Variants in TM9SF1 observed in about 807,000 individuals in gnomAD.
The protein encoded by TM9SF1 is transmembrane 9 superfamily member 1, also known as MP70 protein family member.
In TM9SF1, 25 loss-of-function variants were observed where a neutral mutation model predicts 52.4. The ratio of observed to expected loss-of-function variants is 0.48; its 90% CI spans 0.35 to 0.67. The LOEUF (loss-of-function observed/expected upper bound fraction) is 0.67, where lower values mean the gene tolerates loss of function less well. Ranked by LOEUF, TM9SF1 falls within the 30% of genes least tolerant of loss-of-function variation. TM9SF1 has a pLI of 0.01. For missense variants in TM9SF1, 604 were observed against 780.3 expected (o/e 0.77, Z 2.69); for synonymous variants, 284 against 299.8 (o/e 0.95, Z 0.55).
Position 24,193,845 on chromosome 14 carries a change from G to A in TM9SF1, c.346-576C>T, listed in dbSNP as rs968987007. On this transcript the variant is annotated intron_variant, in intron 2 of 5. Transcript: ENST00000261789. The stretch of plus-strand genomic sequence containing the variant: ...TGAGGCAGGAGAATGGCGTGAACCC[G>A]GGAGGTGGAGCTTGCAGTGAGCCGA... Among the ~76,000 whole-genome samples the A allele has an allele frequency of 2.6e-5, 4 of 151,724 alleles. No homozygotes were observed. In the East Asian group the frequency reaches 7.9e-4, roughly 30 times the overall value.
intron 2 of TM9SF1, among the ~76,000 whole-genome samples, chr14:24,193,481 C>G (rs2039354079): frequency 6.6e-6 from 1 of 151,932 alleles, no homozygotes; most frequent in South Asian, 2.1e-4. Context: ...ATTCTCCTGC[C>G]TCAGCCTCCC....
rs968077836 is a variant in TM9SF1, at chr14:24,192,453, T to C, written c.968-97A>G. On this transcript the variant is annotated intron_variant, in intron 3 of 5. Coordinates refer to ENST00000261789, the MANE Select transcript of TM9SF1 (RefSeq NM_006405.7). The surrounding 1 kb of genome is among the most constrained non-coding windows in gnomAD (Gnocchi z 4.0). ...CCCCCCTTCTCCCAGACCCAGGGCC[T>C]CCAGCAAAACAATCTCCCCCAGTTT... 1.4e-6 allele frequency: 2 copies of C among 1,444,304 alleles called. No individual in the cohort carries two copies. Among genetic ancestry groups the C allele is most frequent in the Non-Finnish European group, 1.9e-6 (2 of 1,066,342 alleles). The allele number at this position is 1,444,304 out of a possible 1,614,324, so 89.5% of individuals were successfully genotyped here.
Position 24,194,747 on chromosome 14 carries a change from A to C in TM9SF1, c.273T>G (p.Ser91=), listed in dbSNP as rs147543870. The change falls in exon 2 of 6, where the codon TCT becomes TCG. Residue 91 remains serine (S), a synonymous_variant. Transcript: ENST00000261789. ...EVLDGDRMAE[S]LYEIRFRENV... is the part of the protein sequence containing the mutation. ...TTTCCCGAAAGCGGATCTCATACAA[A>C]GACTCAGCCATTCGGTCCCCATCCA... 132 of 1,614,254 alleles carry C rather than the reference A, an allele frequency of 8.2e-5. 1 individual carries two copies. The East Asian group carries it at 2.9e-3, about 35-fold the overall frequency.
At chr14:24,190,222 C>G in intron 5 of TM9SF1, 158 bp downstream of exon 5, 1 of 1,471,778 alleles carries the variant, frequency 6.8e-7, no homozygotes, top group Non-Finnish European at 9.0e-7. Context: ...CATTCAAGCT[C>G]AGTCCTGCTT....
At position 24,189,320 on chromosome 14, in the gene TM9SF1, T is replaced by C; in HGVS notation, c.*95A>G. Reference sequence around the variant, plus strand: ...GGCAAAAGGGAAGGCAACAATGCCATCACACAATTCAGTCAATCAGAAGAG... The same window carrying C: ...GGCAAAAGGGAAGGCAACAATGCCACCACACAATTCAGTCAATCAGAAGAG... On this transcript the variant is annotated 3_prime_UTR_variant, in exon 6 of 6. Coordinates refer to ENST00000261789, the MANE Select transcript of TM9SF1 (RefSeq NM_006405.7). 2.2e-6 allele frequency: 3 copies of C among 1,384,454 alleles called. No homozygotes were observed. The highest frequency in any genetic ancestry group is 2.9e-6 in the Non-Finnish European group (3 of 1,023,726). 85.8% of individuals were successfully genotyped at this position (1,384,454 alleles called of 1,614,324 possible). A position where few individuals can be genotyped will look rare whatever the true frequency, so the allele number is the denominator to read the frequency against.
Position 24,194,999 on chromosome 14 carries a change from A to G in TM9SF1, c.21T>C (p.Pro7=). 1.2e-6 allele frequency: 2 copies of G among 1,613,942 alleles called. No individual in the cohort carries two copies. The highest frequency in any genetic ancestry group is 1.7e-6 in the Non-Finnish European group (2 of 1,179,960). The change falls in exon 2 of 6, where the codon CCT becomes CCC. Residue 7 remains proline (P), a synonymous_variant. Coordinates refer to ENST00000261789, the MANE Select transcript of TM9SF1 (RefSeq NM_006405.7). MTVVGN[P]RSWSCQWLPI... ...GCAACCACTGGCAGCTCCAACTTCG[A>G]GGGTTCCCTACGACTGTCATCCTTA...
In TM9SF1 at chr14:24,190,381, T is replaced by C; in HGVS notation, c.1426A>G (p.Ser476Gly). 1 of 1,570,188 alleles carries C rather than the reference T, an allele frequency of 6.4e-7. No individual in the cohort carries two copies. The highest frequency in any genetic ancestry group is 8.6e-7 in the Non-Finnish European group (1 of 1,156,328). The change falls in exon 5 of 6, where the codon AGT (serine) becomes GGT (glycine). Residue 476 changes from serine to glycine, a missense_variant and splice_region_variant. Transcript: ENST00000261789. Reference sequence around the variant, plus strand: ...AGCCATGGAATAAAGGGAGGATACCTGAAAGGCAGGAAGCCTCCAACAGTC... The same window carrying C: ...AGCCATGGAATAAAGGGAGGATACCCGAAAGGCAGGAAGCCTCCAACAGTC... ...HMTVGGFLPF[S>G]AISVELYYIF... is the part of the protein sequence containing the mutation.
rs1415403953 is a variant in TM9SF1, at chr14:24,189,776, G to T, written c.1460C>A (p.Ala487Asp). Reference sequence around the variant, plus strand: ...GTACTGCTCCCGACCCCATACTGTGGCAAAGATGTAGTACAGCTCCACAGA... The same window carrying T: ...GTACTGCTCCCGACCCCATACTGTGTCAAAGATGTAGTACAGCTCCACAGA... ...AISVELYYIF[A>D]TVWGREQYTL... Residue 487 changes from alanine to aspartate, a missense_variant, in exon 6 of 6, where the codon GCC (alanine) becomes GAC (aspartate). By Grantham distance (126) the Ala-to-Asp change is moderately radical. Transcript: ENST00000261789. 6.2e-7 allele frequency: 1 copy of T among 1,613,636 alleles called. No homozygotes were observed. Among genetic ancestry groups the T allele is most frequent in the Non-Finnish European group, 8.5e-7 (1 of 1,179,782 alleles).
rs1392599472 is a variant in TM9SF1, at chr14:24,190,430, C to A, written c.1377G>T (p.Trp459Cys). Residue 459 changes from tryptophan (W) to cysteine (C), a missense_variant, in exon 5 of 6, where the codon TGG becomes TGT. Trp to Cys is a radical substitution (Grantham distance 215). Around this residue, in one of 3 missense-constraint regions of TM9SF1, gnomAD observed 450 missense variants for 560.1 expected, o/e 0.80. Transcript: ENST00000261789. Reference protein sequence around the residue: ...NIAREIPPQPWYKSTVIHMTV... With the variant: ...NIAREIPPQPCYKSTVIHMTV... ...TCATGTGGATGACAGTAGACTTGTA[C>A]CAGGGCTGGGGTGGAATCTCCCGGG... 2 of 1,611,368 alleles carry A rather than the reference C, an allele frequency of 1.2e-6. No individual in the cohort carries two copies. Among genetic ancestry groups the A allele is most frequent in the East Asian group, 2.2e-5 (1 of 44,864 alleles).
Position 24,192,563 on chromosome 14 carries a change from G to C in TM9SF1, c.967+85C>G. 1 of 1,479,192 alleles carries C rather than the reference G, an allele frequency of 6.8e-7. No individual in the cohort carries two copies. The highest frequency in any genetic ancestry group is 2.2e-5 in the Admixed American group (1 of 45,348). 91.6% of individuals were successfully genotyped at this position (1,479,192 alleles called of 1,614,324 possible). ...TAGGTCTGCCCCTCTGGATAGAAGA[G>C]AAGATCCACAGACCTTTTCTGAACA... On this transcript the variant is annotated intron_variant, in intron 3 of 5. Transcript: ENST00000261789. This position sits in a 1 kb window ranked among gnomAD's most constrained non-coding sequence, Gnocchi z 4.0.
In TM9SF1 at chr14:24,192,129, C is replaced by T; in HGVS notation, c.1153+42G>A. The T allele has an allele frequency of 6.3e-7, 1 of 1,596,966 alleles. No homozygotes were observed. The highest frequency in any genetic ancestry group is 1.1e-5 in the South Asian group (1 of 90,632). ...GACCAGCCACAATGTGTTCTTCATT[C>T]CTAAGTCCAGAAAGGCCCACCAGGG... On this transcript the variant is annotated intron_variant, in intron 4 of 5. Coordinates refer to ENST00000261789, the MANE Select transcript of TM9SF1 (RefSeq NM_006405.7). The surrounding 1 kb of genome is among the most constrained non-coding windows in gnomAD (Gnocchi z 4.0).
At chr14:24,190,851 G>GCT (rs2039311660) in intron 4 of TM9SF1, among the ~76,000 whole-genome samples, 198 bp from the exon 5 acceptor site, 1 of 65,436 alleles carries the variant, frequency 1.5e-5, no homozygotes. Context: ...TTTGTTCTGT[G>GCT]TTTTTTTTTT....
Position 24,192,566 on chromosome 14 carries a change from G to C in TM9SF1, c.967+82C>G. The C allele has an allele frequency of 6.7e-7, 1 of 1,489,686 alleles. No individual in the cohort carries two copies. Among genetic ancestry groups the C allele is most frequent in the Admixed American group, 2.2e-5 (1 of 45,300 alleles). The allele number at this position is 1,489,686 out of a possible 1,614,324, so 92.3% of individuals were successfully genotyped here. Reference sequence around the variant, plus strand: ...GTCTGCCCCTCTGGATAGAAGAGAAGATCCACAGACCTTTTCTGAACAAAC... The same window carrying C: ...GTCTGCCCCTCTGGATAGAAGAGAACATCCACAGACCTTTTCTGAACAAAC... On this transcript the variant is annotated intron_variant, in intron 3 of 5. Transcript: ENST00000261789. The surrounding 1 kb of genome is among the most constrained non-coding windows in gnomAD (Gnocchi z 4.0).
At position 24,194,697 on chromosome 14, in the gene TM9SF1, T is replaced by C. The variant is rs766952543; in HGVS notation, c.323A>G (p.His108Arg). 1 of 1,614,104 alleles carries C rather than the reference T, an allele frequency of 6.2e-7. No individual in the cohort carries two copies. Among genetic ancestry groups the C allele is most frequent in the Non-Finnish European group, 8.5e-7 (1 of 1,179,934 alleles). ...GACCTGTGCAGAACTGAGCTGCATG[T>C]GGCACAGAATTCTCTTCTCCACGTT... is the stretch of plus-strand genomic sequence containing the variant. ...RENVEKRILCHMQLSSAQVEQ... is the reference protein window; with the variant it reads ...RENVEKRILCRMQLSSAQVEQ... Residue 108 changes from histidine (H) to arginine (R), a missense_variant, in exon 2 of 6, where the codon CAC (histidine) becomes CGC (arginine). Around this residue, in one of 3 missense-constraint regions of TM9SF1, gnomAD observed 450 missense variants for 560.1 expected, o/e 0.80. Transcript: ENST00000261789.
chr14:24,189,765 C>T lies in TM9SF1; in HGVS notation c.1471G>A (p.Gly491Ser), dbSNP rs1311199909. The change falls in exon 6 of 6, where the codon GGT becomes AGT. Residue 491 changes from glycine to serine, a missense_variant. This residue lies in a region of TM9SF1 where 107 missense variants were observed against 180.5 expected (regional missense o/e 0.59). Coordinates refer to ENST00000261789, the MANE Select transcript of TM9SF1 (RefSeq NM_006405.7). ...CCGTACAAAGTGTACTGCTCCCGACCCCATACTGTGGCAAAGATGTAGTAC... is the reference window on the plus strand; with the variant it reads ...CCGTACAAAGTGTACTGCTCCCGACTCCATACTGTGGCAAAGATGTAGTAC... ...ELYYIFATVW[G>S]REQYTLYGIL... 1.2e-6 allele frequency: 2 copies of T among 1,613,796 alleles called. No homozygotes were observed. Among genetic ancestry groups the T allele is most frequent in the Non-Finnish European group, 1.7e-6 (2 of 1,179,918 alleles).
intron 2 of TM9SF1, among the ~76,000 whole-genome samples, chr14:24,194,290 A>T (rs987922417): frequency 1.3e-5 from 2 of 152,214 alleles, no homozygotes; most frequent in Non-Finnish European, 2.9e-5. Flanking sequence ...CTAAAGAAAA[A>T]GCATGACAGG....
Position 24,190,450 on chromosome 14 carries a change from C to T in TM9SF1, c.1357G>A (p.Glu453Lys). The T allele has an allele frequency of 6.2e-7, 1 of 1,613,660 alleles. No homozygotes were observed. Residue 453 changes from glutamate (E) to lysine (K), a missense_variant, in exon 5 of 6, where the codon GAG (glutamate) becomes AAG (lysine). Glu to Lys is a moderately conservative substitution (Grantham distance 56). This residue lies in a region of TM9SF1 where 450 missense variants were observed against 560.1 expected (regional missense o/e 0.80). Coordinates refer to ENST00000261789, the MANE Select transcript of TM9SF1 (RefSeq NM_006405.7). ...TTGTACCAGGGCTGGGGTGGAATCT[C>T]CCGGGCGATGTTCTTGGTGCGACAG... Reference protein sequence around the residue: ...APCRTKNIAREIPPQPWYKST... With the variant: ...APCRTKNIARKIPPQPWYKST...
At chr14:24,194,653 T>G in intron 2 of TM9SF1, 22 bp downstream of exon 2, 7 of 1,604,118 alleles carry the variant, frequency 4.4e-6, no homozygotes, top group Non-Finnish European at 6.0e-6. Flanking sequence ...GGCTACGTGA[T>G]AGCCAATGTG....
At chr14:24,193,529 G>A (rs574779878) in intron 2 of TM9SF1, among the ~76,000 whole-genome samples, 5 of 151,576 alleles carry the variant, frequency 3.3e-5, no homozygotes, top group East Asian at 2.0e-4. Flanking sequence ...ACCACACCCA[G>A]CTAATTTTTG....
Sources: allele counts gnomAD v4.1 joint callset (sites outside exome capture counted in the v4.1 genomes callset), GRCh38; gene constraint gnomAD v4.1.1; regional missense constraint gnomAD v4.1.1; non-coding constraint Gnocchi (gnomAD v3.1); transcripts MANE v1.5; gene names NCBI Gene and HGNC (gene_info 2026-07-23, HGNC 2026-07-21).